Variants in ENOX2 observed in about 807,000 individuals in gnomAD.
ENOX2 encodes APK1 antigen.
A neutral mutation model predicts 45.0 loss-of-function variants in ENOX2; 36 were observed. The ratio of observed to expected loss-of-function variants is 0.80; its 90% CI spans 0.61 to 1.06. The LOEUF is 1.06. Among genes scored for constraint, ENOX2 ranks in the 50% least tolerant of loss-of-function variants. The pLI is 0.00. For missense variants in ENOX2, 423 were observed against 462.5 expected (o/e 0.91, Z 0.78); for synonymous variants, 174 against 152.3 (o/e 1.14, Z -1.05).
At chrX:130,659,612 T>C (rs1212190134) in intron 9 of ENOX2, among the ~76,000 whole-genome samples, 2 of 112,741 alleles carry the variant, frequency 1.8e-5, no homozygotes, top group Non-Finnish European at 3.7e-5. Flanking sequence ...GTGATTATAA[T>C]GAAGTTTGAC....
chrX:130,715,690 A>T lies in ENOX2; in HGVS notation c.-38-12436T>A, dbSNP rs778202527. On this transcript the variant is annotated intron_variant, in intron 3 of 14. Transcript: ENST00000394363. ...ACGATGCTGAATGAAGAGAAAAACA[A>T]GTAGGGTTATAACAGTGGTTAAGAT... Among the ~76,000 whole-genome samples, 505 of 111,369 alleles carry T rather than the reference A, an allele frequency of 4.5e-3. 5 individuals carry two copies. The highest frequency in any genetic ancestry group is 0.016 in the African/African-American group (487 of 30,648).
chrX:130,783,484 T>C (rs774966831), intron 3 of ENOX2, 63 bp downstream of exon 3: 18 of 316,540 alleles, frequency 5.7e-5, no homozygotes, highest in African/African-American at 4.6e-4. Context: ...TGCCACATAC[T>C]AGGCTCTGGG....
At chrX:130,837,087 T>C (rs2077940191) in intron 2 of ENOX2, among the ~76,000 whole-genome samples, 1 of 111,991 alleles carries the variant, frequency 8.9e-6, no homozygotes, top group Non-Finnish European at 1.9e-5. Flanking sequence ...TAAGATAAAA[T>C]TGAAAGTGTT....
chrX:130,833,056 A>ACACACACAC (rs759746444), intron 2 of ENOX2, among the ~76,000 whole-genome samples: 27 of 91,967 alleles, frequency 2.9e-4, no homozygotes, highest in African/African-American at 1.1e-3. Context: ...CACACACACA[A>ACACACACAC]ACAGCACTGA....
At chrX:130,670,356 C>T (rs1187183966) in intron 6 of ENOX2, among the ~76,000 whole-genome samples, 158 bp from the exon 7 acceptor site, 1 of 111,615 alleles carries the variant, frequency 9.0e-6, no homozygotes, top group African/African-American at 3.3e-5. Flanking sequence ...TTCCAAGTGA[C>T]CACACAACTC....
At chrX:130,849,437 TAAAC>T (rs762233283) in intron 2 of ENOX2, among the ~76,000 whole-genome samples, 28 of 112,144 alleles carry the variant, frequency 2.5e-4, no homozygotes, top group African/African-American at 8.7e-4. Flanking sequence ...TCTGGAAAGA[TAAAC>T]AATCAATCAA....
chrX:130,768,142 T>C (rs1217483699), intron 3 of ENOX2, among the ~76,000 whole-genome samples: 1 of 111,972 alleles, frequency 8.9e-6, no homozygotes, highest in Non-Finnish European at 1.9e-5. Flanking sequence ...CTTGTTATGT[T>C]ACTTCCTTTC....
At chrX:130,636,645 T>A (rs1468487393) in intron 11 of ENOX2, among the ~76,000 whole-genome samples, 1 of 112,870 alleles carries the variant, frequency 8.9e-6, no homozygotes, top group Non-Finnish European at 1.9e-5. Flanking sequence ...GTTGGGTGCA[T>A]TTATTTACTT....
chrX:130,755,103 T>A (rs1390496043), intron 3 of ENOX2, among the ~76,000 whole-genome samples: 2 of 110,086 alleles, frequency 1.8e-5, no homozygotes, highest in Non-Finnish European at 3.8e-5. Flanking sequence ...CTAAATTACA[T>A]CAGCACAATC....
At chrX:130,776,069 T>C (rs761056220) in intron 3 of ENOX2, among the ~76,000 whole-genome samples, 1 of 111,545 alleles carries the variant, frequency 9.0e-6, no homozygotes, top group Non-Finnish European at 1.9e-5. Context: ...TTTCCCTTAT[T>C]AAGGCTAGCG....
chrX:130,884,483 A>C (rs897816816), intron 2 of ENOX2, among the ~76,000 whole-genome samples: 1 of 111,385 alleles, frequency 9.0e-6, no homozygotes, highest in Non-Finnish European at 1.9e-5. Flanking sequence ...ACAGTCTCTA[A>C]TAAATTCAGA....
chrX:130,656,206 G>A (rs1315631434), intron 10 of ENOX2, among the ~76,000 whole-genome samples: 1 of 112,552 alleles, frequency 8.9e-6, no homozygotes, highest in Middle Eastern at 4.2e-3. Flanking sequence ...AAATTGAAGA[G>A]GAGGGTATTA....
At chrX:130,816,118 C>T (rs2077481436) in intron 2 of ENOX2, among the ~76,000 whole-genome samples, 1 of 111,636 alleles carries the variant, frequency 9.0e-6, no homozygotes, top group Admixed American at 9.5e-5. Context: ...GGTTGCAATC[C>T]TATTCTCTGA....
At chrX:130,695,011 G>A (rs765260711) in intron 4 of ENOX2, among the ~76,000 whole-genome samples, 2 of 111,856 alleles carry the variant, frequency 1.8e-5, no homozygotes, top group Non-Finnish European at 3.8e-5. Context: ...TACAGATGAG[G>A]AAACTGAAGC....
intron 5 of ENOX2, 114 bp downstream of exon 5, chrX:130,688,749 T>A (rs757301862): frequency 1.6e-6 from 1 of 631,157 alleles, no homozygotes; most frequent in Non-Finnish European, 2.3e-6. Context: ...GTTCTCTAGG[T>A]GAAGCTTTCG....
chrX:130,651,431 T>G (rs775451756), intron 10 of ENOX2, among the ~76,000 whole-genome samples: 12 of 112,415 alleles, frequency 1.1e-4, no homozygotes, highest in Admixed American at 8.4e-4. Flanking sequence ...GCTAGTTCAT[T>G]AGCTGCTTTC....
chrX:130,849,275 G>GT (rs1382588938), intron 2 of ENOX2, among the ~76,000 whole-genome samples: 2 of 112,674 alleles, frequency 1.8e-5, no homozygotes, highest in African/African-American at 3.2e-5. Flanking sequence ...TAGTTAAGCT[G>GT]TAAGTTAGAA....
At chrX:130,773,694 G>C (rs1468556582) in intron 3 of ENOX2, among the ~76,000 whole-genome samples, 1 of 112,033 alleles carries the variant, frequency 8.9e-6, no homozygotes, top group African/African-American at 3.2e-5. Context: ...TAATGGTTTT[G>C]TGTACCACTC....
At chrX:130,731,257 C>T (rs1046652814) in intron 3 of ENOX2, among the ~76,000 whole-genome samples, 6 of 111,730 alleles carry the variant, frequency 5.4e-5, no homozygotes, top group African/African-American at 1.3e-4. Context: ...ATAAAGTTTA[C>T]GGTACATAGC....
Sources: allele counts gnomAD v4.1 joint callset (sites outside exome capture counted in the v4.1 genomes callset), GRCh38; gene constraint gnomAD v4.1.1; transcripts MANE v1.5; gene names NCBI Gene and HGNC (gene_info 2026-07-23, HGNC 2026-07-21).